Variants in ZNF503 observed in about 807,000 individuals in gnomAD.
ZNF503 encodes NocA-like zinc finger 2.
In ZNF503, 15 loss-of-function variants were observed where a neutral mutation model predicts 34.4. The observed-to-expected ratio is 0.44, with a 90% CI of 0.29 to 0.67. The LOEUF (loss-of-function observed/expected upper bound fraction) is 0.67. Among genes scored for constraint, ZNF503 ranks in the 30% least tolerant of loss-of-function variants. The pLI is 0.13. For synonymous variants in ZNF503, 580 were observed against 456.8 expected, an observed-to-expected ratio of 1.27 and a Z score of -3.44; for missense variants, 1,007 against 926.8, an observed-to-expected ratio of 1.09 and a Z score of -1.12.
the ZNF503 span, among the ~76,000 whole-genome samples, chr10:75,322,127 A>T: frequency 1.6e-4 from 23 of 140,162 alleles, no homozygotes; most frequent in African/African-American, 5.3e-4. Flanking sequence ...ACCACCACCA[A>T]TTTTTTTTTT....
chr10:75,370,090 A>G, the ZNF503 span, among the ~76,000 whole-genome samples: 1 of 151,774 alleles, frequency 6.6e-6, no homozygotes, highest in Admixed American at 6.6e-5. Context: ...AAATAAATAA[A>G]TAAATAAATA....
Position 75,401,173 on chromosome 10 carries a change from G to C in ZNF503, c.247C>G (p.Arg83Gly). The change falls in exon 1 of 2, where the codon CGA becomes GGA. Residue 83 changes from arginine to glycine, a missense_variant. Physicochemically the swap from Arg to Gly is moderately radical, Grantham distance 125 (BLOSUM62 -2). Transcript: ENST00000372524. Reference protein sequence around the residue: ...PIKVLKMLTARTGHILHPEYL... With the variant: ...PIKVLKMLTAGTGHILHPEYL... ...TCGGGGTGCAAAATGTGGCCAGTTC[G>C]TGCCGTCAGCATCTTCAGCACCTTG... The C allele has an allele frequency of 6.2e-7, 1 of 1,611,216 alleles. No homozygotes were observed. Among genetic ancestry groups the C allele is most frequent in the Non-Finnish European group, 8.5e-7 (1 of 1,178,392 alleles).
the ZNF503 span, among the ~76,000 whole-genome samples, chr10:75,335,489 T>G: frequency 2.1e-4 from 32 of 152,156 alleles, no homozygotes; most frequent in Non-Finnish European, 4.1e-4. Context: ...CATTAGAATT[T>G]TTGAGATAGG....
rs1172197252 is a variant in ZNF503 at position 75,399,029 on chromosome 10, C to A, written c.1661G>T (p.Gly554Val). 3 of 1,611,080 alleles carry A rather than the reference C, an allele frequency of 1.9e-6. No homozygotes were observed. Among genetic ancestry groups the A allele is most frequent in the South Asian group, 2.2e-5 (2 of 91,048 alleles). Residue 554 changes from glycine (G) to valine (V), a missense_variant, in exon 2 of 2, where the codon GGC (glycine) becomes GTC (valine). Coordinates refer to ENST00000372524, the MANE Select transcript of ZNF503 (RefSeq NM_032772.6). ...GGCCAGAGACGACGAGCTGGGGTAG[C>A]CCGACAGCAGTTTGTCTGTCCCGGG... is the stretch of plus-strand genomic sequence containing the variant. ...AFPGTDKLLS[G>V]YPSSSSLASA...
chr10:75,298,344 C>G, the ZNF503 span, among the ~76,000 whole-genome samples: 2 of 152,212 alleles, frequency 1.3e-5, no homozygotes, highest in Non-Finnish European at 2.9e-5. Context: ...TATTCATAGT[C>G]ACTCCCCACT....
At chr10:75,301,517 A>G in the ZNF503 span, among the ~76,000 whole-genome samples, 1 of 152,224 alleles carries the variant, frequency 6.6e-6, no homozygotes, top group Admixed American at 6.5e-5. Flanking sequence ...CTGGGGTTAC[A>G]GGCGTGAGCC....
the ZNF503 span, chr10:75,358,412 T>G: frequency 6.6e-6 from 1 of 152,176 alleles, no homozygotes; most frequent in East Asian, 1.9e-4. Flanking sequence ...GGAACGAACT[T>G]TGAGGCAGCT....
chr10:75,370,046 G>A, the ZNF503 span, among the ~76,000 whole-genome samples: 8 of 148,884 alleles, frequency 5.4e-5, no homozygotes, highest in Admixed American at 1.4e-4. Flanking sequence ...TGGCCTGGAC[G>A]AGACTACATG....
chr10:75,399,635 A>G lies in ZNF503; in HGVS notation c.1055T>C (p.Leu352Pro). The G allele has an allele frequency of 6.3e-7, 1 of 1,598,942 alleles. No homozygotes were observed. The highest frequency in any genetic ancestry group is 8.5e-7 in the Non-Finnish European group (1 of 1,179,690). Reference sequence around the variant, plus strand: ...TGGGTAGGTCATACCCGCGGGAGGCAGAGGGAACACTGTCTGGCCCGGCTT... The same window carrying G: ...TGGGTAGGTCATACCCGCGGGAGGCGGAGGGAACACTGTCTGGCCCGGCTT... ...PYKPGQTVFP[L>P]PPAGMTYPGS... The change falls in exon 2 of 2, where the codon CTG becomes CCG. Residue 352 changes from leucine to proline, a missense_variant. Leu to Pro is a moderately conservative substitution (Grantham distance 98). Coordinates refer to ENST00000372524, the MANE Select transcript of ZNF503 (RefSeq NM_032772.6).
rs1446657450 is a variant in ZNF503, at chr10:75,401,336, T to C, written c.84A>G (p.Ala28=). 2 of 1,539,256 alleles carry C rather than the reference T, an allele frequency of 1.3e-6. No individual in the cohort carries two copies. Among genetic ancestry groups the C allele is most frequent in the East Asian group, 2.4e-5 (1 of 40,928 alleles). Residue 28 remains alanine, a synonymous_variant, in exon 1 of 2, where the codon GCA becomes GCG. Coordinates refer to ENST00000372524, the MANE Select transcript of ZNF503 (RefSeq NM_032772.6). ...GGGGGGGGGG[A]DPAWTSALSG... is the part of the protein sequence containing the mutation. ...AGAGCGCGCTGGTCCAGGCAGGGTCTGCACCGCCGCCTCCGCCTCCGCCGC... is the reference window on the plus strand; with the variant it reads ...AGAGCGCGCTGGTCCAGGCAGGGTCCGCACCGCCGCCTCCGCCTCCGCCGC...
At chr10:75,348,219 C>T in the ZNF503 span, among the ~76,000 whole-genome samples, 12 of 151,332 alleles carry the variant, frequency 7.9e-5, no homozygotes, top group Admixed American at 6.6e-4. Context: ...TGTGCCACCA[C>T]GCCTGGCTAA....
At chr10:75,297,533 A>G in the ZNF503 span, among the ~76,000 whole-genome samples, 1 of 152,204 alleles carries the variant, frequency 6.6e-6, no homozygotes, top group Non-Finnish European at 1.5e-5. Context: ...GCTCTTTTAT[A>G]GTAAGAAACA....
chr10:75,287,658 G>A, the ZNF503 span, among the ~76,000 whole-genome samples: 6 of 152,176 alleles, frequency 3.9e-5, no homozygotes, highest in African/African-American at 1.4e-4. Flanking sequence ...AGCAGGGCAG[G>A]AGTGAGTGGA....
chr10:75,382,343 G>A, the ZNF503 span: 1 of 266,656 alleles, frequency 3.8e-6, no homozygotes, highest in South Asian at 5.7e-5. Context: ...CAAGGCTGAT[G>A]GATTTGGATT....
chr10:75,348,378 T>G, the ZNF503 span, among the ~76,000 whole-genome samples: 1 of 151,646 alleles, frequency 6.6e-6, no homozygotes, highest in African/African-American at 2.4e-5. Context: ...TTGAAATTTT[T>G]GGAGAGACAA....
the ZNF503 span, chr10:75,350,317 A>G: frequency 1.3e-5 from 2 of 152,218 alleles, no homozygotes. Context: ...CTGAAACTGA[A>G]CACTTTGGGG....
the ZNF503 span, among the ~76,000 whole-genome samples, chr10:75,340,136 T>C: frequency 7.7e-5 from 1 of 12,930 alleles, no homozygotes; most frequent in Non-Finnish European, 1.4e-4. Flanking sequence ...ATCACCTGAA[T>C]GGGGGCCTGG....
the ZNF503 span, among the ~76,000 whole-genome samples, chr10:75,346,561 C>T: frequency 9.2e-5 from 14 of 151,590 alleles, no homozygotes; most frequent in Middle Eastern, 0.01. Flanking sequence ...CACCACCCCC[C>T]TCCAAGTAGC....
At position 75,399,189 on chromosome 10, in the gene ZNF503, A is replaced by G. The variant is rs1356483555; in HGVS notation, c.1501T>C (p.Tyr501His). 6.2e-7 allele frequency: 1 copy of G among 1,604,740 alleles called. No individual in the cohort carries two copies. Among genetic ancestry groups the G allele is most frequent in the Middle Eastern group, 1.7e-4 (1 of 6,028 alleles). The change falls in exon 2 of 2, where the codon TAC becomes CAC. Residue 501 changes from tyrosine to histidine, a missense_variant. Tyr to His is a moderately conservative substitution (Grantham distance 83). Coordinates refer to ENST00000372524, the MANE Select transcript of ZNF503 (RefSeq NM_032772.6). ...TTAGGGAGCATAAAGCCGTAGGGGTAGAGGGGGTGGCCGGCCAGGGAGGGC... is the reference window on the plus strand; with the variant it reads ...TTAGGGAGCATAAAGCCGTAGGGGTGGAGGGGGTGGCCGGCCAGGGAGGGC... ...TPPSLAGHPL[Y>H]PYGFMLPNDP...
Sources: allele counts gnomAD v4.1 joint callset (sites outside exome capture counted in the v4.1 genomes callset), GRCh38; gene constraint gnomAD v4.1.1; transcripts MANE v1.5; gene names NCBI Gene and HGNC (gene_info 2026-07-23, HGNC 2026-07-21).